The following STX18 variants were observed in gnomAD, a reference collection of about 807,000 sequenced individuals.
The protein encoded by STX18 is syntaxin 18, also known as syntaxin-18.
A neutral mutation model predicts 50.1 loss-of-function variants in STX18; 40 were observed. The ratio of observed to expected loss-of-function variants is 0.80; its 90% confidence interval spans 0.62 to 1.04. The LOEUF is 1.04. STX18 is among the 50% of genes least tolerant of loss of function. The pLI is 0.00. For synonymous variants in STX18, 158 were observed against 151.8 expected (o/e 1.04, Z -0.30); for missense variants, 410 against 415.8 (o/e 0.99, Z 0.12).
At chr4:4,468,753 A>T (rs1311786811) in intron 2 of STX18, among the ~76,000 whole-genome samples, 1 of 152,190 alleles carries the variant, frequency 6.6e-6, no homozygotes, top group African/African-American at 2.4e-5. Flanking sequence ...CATTTGTATG[A>T]CCCACTAATT....
chr4:4,468,727 C>G (rs1463982072), intron 2 of STX18, among the ~76,000 whole-genome samples: 1 of 152,126 alleles, frequency 6.6e-6, no homozygotes, highest in African/African-American at 2.4e-5. Context: ...TATTTTAAGG[C>G]TGAGCATGCA....
At chr4:4,496,099 A>C (rs919516750) in intron 1 of STX18, among the ~76,000 whole-genome samples, 1 of 152,208 alleles carries the variant, frequency 6.6e-6, no homozygotes, top group Non-Finnish European at 1.5e-5. Context: ...AATTCTTTAC[A>C]TTTCCAAGAG....
intron 1 of STX18, among the ~76,000 whole-genome samples, chr4:4,492,303 G>GTATA (rs1373685100): frequency 1.3e-5 from 2 of 152,086 alleles, no homozygotes; most frequent in African/African-American, 4.8e-5. Context: ...TTTCCACAGA[G>GTATA]TATAGGTGGT....
chr4:4,423,405 T>C (rs1725068372), intron 9 of STX18, 113 bp downstream of exon 9: 2 of 1,001,458 alleles, frequency 2.0e-6, no homozygotes, highest in Non-Finnish European at 3.1e-6. Context: ...TAGCAACACA[T>C]GGCTCTGCTC....
intron 1 of STX18, among the ~76,000 whole-genome samples, chr4:4,540,865 G>T (rs555525556): frequency 6.6e-6 from 1 of 152,266 alleles, no homozygotes; most frequent in Admixed American, 6.5e-5. Flanking sequence ...AAGCAGAGAA[G>T]GATTTACTGT....
intron 1 of STX18, among the ~76,000 whole-genome samples, chr4:4,483,034 A>G (rs948231129): frequency 4.6e-5 from 7 of 152,188 alleles, no homozygotes; most frequent in Non-Finnish European, 7.4e-5. Context: ...CATGTGCACA[A>G]AAGAGGAGAC....
chr4:4,514,735 T>C (rs943546620), intron 1 of STX18, among the ~76,000 whole-genome samples: 1 of 151,628 alleles, frequency 6.6e-6, no homozygotes, highest in African/African-American at 2.4e-5. Context: ...ACCCATACAT[T>C]AGGTAATGAA....
chr4:4,510,503 A>C (rs1729945935), intron 1 of STX18, among the ~76,000 whole-genome samples: 1 of 152,198 alleles, frequency 6.6e-6, no homozygotes, highest in Non-Finnish European at 1.5e-5. Flanking sequence ...GTCAGGAAAC[A>C]GAGATGCTGG....
At chr4:4,507,464 G>T in intron 1 of STX18, 3 of 761,622 alleles carry the variant, frequency 3.9e-6, no homozygotes, top group Non-Finnish European at 4.9e-6. Flanking sequence ...AAAAAGTTCA[G>T]TGGAAAGCAT....
intron 7 of STX18, among the ~76,000 whole-genome samples, chr4:4,429,438 G>T (rs568997424): frequency 6.6e-6 from 1 of 152,088 alleles, no homozygotes; most frequent in African/African-American, 2.4e-5. Context: ...CTCCTACAAA[G>T]GCCTTTCAGT....
chr4:4,516,974 C>G (rs1264052929), intron 1 of STX18, among the ~76,000 whole-genome samples: 2 of 152,200 alleles, frequency 1.3e-5, no homozygotes, highest in African/African-American at 4.8e-5. Context: ...TAGCGCTATA[C>G]ACAAAATTTG....
chr4:4,434,243 T>C (rs1415621494), intron 7 of STX18, among the ~76,000 whole-genome samples: 2 of 152,186 alleles, frequency 1.3e-5, no homozygotes, highest in African/African-American at 4.8e-5. Flanking sequence ...CACACAGACA[T>C]TGCTGGACGT....
At chr4:4,453,641 G>A (rs921083219) in intron 5 of STX18, 1 of 979,014 alleles carries the variant, frequency 1.0e-6, no homozygotes, top group Non-Finnish European at 1.2e-6. Context: ...TCCGAGGTAC[G>A]CCTGTCCTTC....
intron 1 of STX18, among the ~76,000 whole-genome samples, chr4:4,536,933 C>A (rs562754667): frequency 6.6e-6 from 1 of 152,276 alleles, no homozygotes; most frequent in South Asian, 2.1e-4. Context: ...GTTATCTAAT[C>A]GAAGCTTTCA....
intron 1 of STX18, among the ~76,000 whole-genome samples, chr4:4,484,609 C>A (rs942367509): frequency 1.3e-5 from 2 of 152,188 alleles, no homozygotes; most frequent in East Asian, 3.8e-4. Context: ...TCCCTGTAGA[C>A]AGCCAGCTCA....
intron 1 of STX18, among the ~76,000 whole-genome samples, chr4:4,513,412 C>A (rs1730097400): frequency 1.3e-5 from 2 of 152,200 alleles, no homozygotes; most frequent in South Asian, 4.2e-4. Flanking sequence ...CCAATCATAA[C>A]CAAAGGATAG....
At chr4:4,515,884 C>T (rs574520887) in intron 1 of STX18, among the ~76,000 whole-genome samples, 127 of 151,922 alleles carry the variant, frequency 8.4e-4, no homozygotes, top group Admixed American at 9.2e-4. Context: ...GATTTGCAGG[C>T]AAGAGTAAGT....
chr4:4,454,692 T>C (rs1008237704), intron 5 of STX18, among the ~76,000 whole-genome samples: 26 of 152,228 alleles, frequency 1.7e-4, no homozygotes, highest in African/African-American at 6.0e-4. Flanking sequence ...TATTTTTCTT[T>C]TGACAGCCAA....
intron 1 of STX18, among the ~76,000 whole-genome samples, chr4:4,501,397 A>G (rs1433076817): frequency 6.6e-6 from 1 of 152,236 alleles, no homozygotes; most frequent in Non-Finnish European, 1.5e-5. Flanking sequence ...ACTGTCGGTC[A>G]GAATGACTGC....
Sources: allele counts gnomAD v4.1 joint callset (sites outside exome capture counted in the v4.1 genomes callset), GRCh38; gene constraint gnomAD v4.1.1; transcripts MANE v1.5; gene names NCBI Gene and HGNC (gene_info 2026-07-23, HGNC 2026-07-21).